CD47: variants seen among roughly 807,000 people sequenced by gnomAD.
CD47 encodes the protein CD47 molecule.
A neutral mutation model predicts 44.6 loss-of-function variants in CD47; 11 were observed. That is an observed-to-expected ratio of 0.25 (90% CI 0.16 to 0.41). The LOEUF (loss-of-function observed/expected upper bound fraction) is 0.41, where lower values mean the gene tolerates loss of function less well. CD47 is among the 10% of genes least tolerant of loss of function. CD47 has a pLI of 1.00. For missense variants in CD47, 306 were observed against 386.7 expected, an observed-to-expected ratio of 0.79 and a Z score of 1.75; for synonymous variants, 140 against 136.3, an observed-to-expected ratio of 1.03 and a Z score of -0.19.
chr3:108,071,720 G>C (rs768415369), intron 2 of CD47, among the ~76,000 whole-genome samples: 22 of 152,290 alleles, frequency 1.4e-4, no homozygotes, highest in Non-Finnish European at 2.1e-4. Context: ...TTCATGTGTT[G>C]AGTGGCTGGG....
chr3:108,079,567 TAAAAAAAA>T (rs71629342), intron 2 of CD47, among the ~76,000 whole-genome samples: 11 of 53,102 alleles, frequency 2.1e-4, no homozygotes, highest in Admixed American at 1.7e-3. Context: ...AGTGTAAGGT[TAAAAAAAA>T]AAAAAAAAAA....
chr3:108,081,255 T>C (rs2079412499), intron 1 of CD47, among the ~76,000 whole-genome samples: 1 of 152,014 alleles, frequency 6.6e-6, no homozygotes, highest in South Asian at 2.1e-4. Flanking sequence ...TCACTCATTG[T>C]TCAACTAAAA....
At chr3:108,064,285 G>A (rs2079067469) in intron 3 of CD47, among the ~76,000 whole-genome samples, 1 of 152,150 alleles carries the variant, frequency 6.6e-6, no homozygotes, top group Non-Finnish European at 1.5e-5. Flanking sequence ...AGGGGGGTGT[G>A]AGTGATGAGT....
intron 9 of CD47, among the ~76,000 whole-genome samples, chr3:108,050,189 C>T (rs1016852497): frequency 2.6e-5 from 4 of 152,130 alleles, no homozygotes; most frequent in African/African-American, 9.7e-5. Flanking sequence ...ATGATCTCAA[C>T]TCACTGCAAC....
intron 1 of CD47, among the ~76,000 whole-genome samples, chr3:108,086,679 C>A (rs1049861227): frequency 4.6e-5 from 7 of 152,132 alleles, no homozygotes; most frequent in Non-Finnish European, 7.4e-5. Context: ...GCAGAGAAGG[C>A]AACAACTGAC....
intron 1 of CD47, among the ~76,000 whole-genome samples, chr3:108,088,776 G>T (rs1195765341): frequency 6.6e-6 from 1 of 152,198 alleles, no homozygotes; most frequent in East Asian, 1.9e-4. Context: ...AATTGTACAT[G>T]AGTGGGGGCA....
Position 108,043,968 on chromosome 3 carries a change from A to G in CD47, c.*3320T>C, listed in dbSNP as rs2078672924. 1 of 152,686 alleles carries G rather than the reference A, an allele frequency of 6.5e-6. No homozygotes were observed. The highest frequency in any genetic ancestry group is 2.1e-4 in the South Asian group (1 of 4,834). 9.5% of individuals were successfully genotyped at this position (152,686 alleles called of 1,614,324 possible). ...CAGGTGATGGCAGTTAGTAATTTTA[A>G]AATATGACACAAGTAAAACTGTTTA... On this transcript the variant is annotated 3_prime_UTR_variant, in exon 11 of 11. Transcript: ENST00000361309.
At chr3:108,066,577 C>G (rs959945785) in intron 3 of CD47, among the ~76,000 whole-genome samples, 2 of 152,162 alleles carry the variant, frequency 1.3e-5, no homozygotes, top group South Asian at 2.1e-4. Flanking sequence ...GCACAGACAG[C>G]AAAGTATGGA....
intron 3 of CD47, among the ~76,000 whole-genome samples, chr3:108,069,706 C>T (rs1049927637): frequency 2.6e-5 from 4 of 152,008 alleles, no homozygotes; most frequent in African/African-American, 9.7e-5. Context: ...CAGCAAACAT[C>T]CATCAAGCCA....
intron 1 of CD47, among the ~76,000 whole-genome samples, chr3:108,084,050 TTG>T (rs1289160593): frequency 2.0e-5 from 3 of 152,066 alleles, no homozygotes; most frequent in Admixed American, 1.3e-4. Flanking sequence ...GGTGTTGTTT[TTG>T]TGTGTGTCTT....
chr3:108,060,713 C>T (rs753890191), intron 4 of CD47, 32 bp downstream of exon 4: 3 of 1,419,058 alleles, frequency 2.1e-6, no homozygotes, highest in Non-Finnish European at 3.0e-6. Context: ...CATCTACCTC[C>T]TGCGTTCCTG....
chr3:108,083,251 T>C (rs2079451401), intron 1 of CD47, among the ~76,000 whole-genome samples: 3 of 152,032 alleles, frequency 2.0e-5, no homozygotes, highest in Admixed American at 1.3e-4. Flanking sequence ...GCCAAAAGTA[T>C]TAGACTTGAA....
In CD47 at chr3:108,067,079, CA is replaced by C. The variant is rs67885622; in HGVS notation, c.490+4013del. On this transcript the variant is annotated intron_variant, in intron 3 of 10. Transcript: ENST00000361309. ...TCCAAAGTTATGCAAGAAGAACACA[CA>C]AGTGTTGTTCAAACTACTCTTGATA... Among the ~76,000 whole-genome samples the C allele has an allele frequency of 7.4e-3, 1,129 of 152,314 alleles. 14 individuals are homozygous for C. The highest frequency in any genetic ancestry group is 0.026 in the African/African-American group (1,092 of 41,570).
chr3:108,057,152 T>C (rs1017922612), intron 7 of CD47, among the ~76,000 whole-genome samples: 5 of 152,194 alleles, frequency 3.3e-5, no homozygotes, highest in Non-Finnish European at 7.4e-5. Flanking sequence ...CCCTTTTACT[T>C]AGTATAAAAA....
chr3:108,048,729 G>T (rs2078767550), intron 10 of CD47, among the ~76,000 whole-genome samples: 1 of 152,156 alleles, frequency 6.6e-6, no homozygotes, highest in Non-Finnish European at 1.5e-5. Flanking sequence ...GACACTTGGG[G>T]GGAATATAGC....
At chr3:108,055,103 A>T (rs181933113) in intron 7 of CD47, among the ~76,000 whole-genome samples, 17 of 152,296 alleles carry the variant, frequency 1.1e-4, no homozygotes, top group East Asian at 1.9e-4. Flanking sequence ...TTAAAAAGTT[A>T]AAAAATAGAA....
intron 5 of CD47, among the ~76,000 whole-genome samples, chr3:108,058,846 C>T (rs1485952204): frequency 6.6e-6 from 1 of 152,166 alleles, no homozygotes; most frequent in Non-Finnish European, 1.5e-5. Flanking sequence ...TTATAACAAA[C>T]TAATACCTTT....
chr3:108,047,592 A>G (rs1468908732), intron 10 of CD47, among the ~76,000 whole-genome samples: 1 of 152,236 alleles, frequency 6.6e-6, no homozygotes, highest in Non-Finnish European at 1.5e-5. Flanking sequence ...ATCCTAGAAT[A>G]ATATTCTATA....
intron 8 of CD47, 181 bp from the exon 9 acceptor site, chr3:108,050,783 T>A (rs1222505808): frequency 2.1e-6 from 1 of 483,926 alleles, no homozygotes; most frequent in South Asian, 2.4e-5. Flanking sequence ...GCTTGCCAAG[T>A]CGGGTTAATA....
Sources: allele counts gnomAD v4.1 joint callset (sites outside exome capture counted in the v4.1 genomes callset), GRCh38; gene constraint gnomAD v4.1.1; transcripts MANE v1.5; gene names NCBI Gene and HGNC (gene_info 2026-07-23, HGNC 2026-07-21).